HMGCLL1: variants seen among roughly 807,000 people sequenced by gnomAD.
HMGCLL1 encodes 3-hydroxy-3-methylglutaryl-CoA lyase like 1.
Under a neutral mutation model 39.1 loss-of-function variants are expected in HMGCLL1, and 36 were observed. The observed-to-expected ratio is 0.92, with a 90% CI of 0.71 to 1.22. The LOEUF (loss-of-function observed/expected upper bound fraction) is 1.22. Ranked by LOEUF, HMGCLL1 falls within the 50% of genes most tolerant of loss-of-function variation. The pLI is 0.00. For synonymous variants in HMGCLL1, 149 were observed against 144.0 expected (o/e 1.03, Z -0.25); for missense variants, 451 against 416.5 (o/e 1.08, Z -0.72).
At chr6:55,495,277 G>T in intron 7 of HMGCLL1, 142 bp downstream of exon 7, 1 of 594,590 alleles carries the variant, frequency 1.7e-6, no homozygotes, top group Admixed American at 3.8e-5. Context: ...TTTCCCAAGT[G>T]CCTGTCATGT....
chr6:55,451,485 C>T (rs1053314334), intron 7 of HMGCLL1, among the ~76,000 whole-genome samples: 7 of 151,864 alleles, frequency 4.6e-5, no homozygotes, highest in Non-Finnish European at 8.8e-5. Flanking sequence ...TAGCCGGGCA[C>T]GGTGGTGTAT....
chr6:55,627,387 C>A, the HMGCLL1 span, among the ~76,000 whole-genome samples: 2 of 151,862 alleles, frequency 1.3e-5, no homozygotes, highest in Non-Finnish European at 2.9e-5. Flanking sequence ...TCTGGTTGTA[C>A]GGAGGATAGT....
chr6:55,561,415 T>C (rs1362558558), intron 1 of HMGCLL1, among the ~76,000 whole-genome samples: 2 of 152,162 alleles, frequency 1.3e-5, no homozygotes, highest in Non-Finnish European at 1.5e-5. Context: ...CCTTCAGCCA[T>C]GGACTTTTAG....
intron 7 of HMGCLL1, among the ~76,000 whole-genome samples, chr6:55,477,233 TA>T: frequency 5.6e-5 from 1 of 17,958 alleles, no homozygotes; most frequent in South Asian, 1.7e-3. Flanking sequence ...ATATAATATA[TA>T]TTATATTTAT....
chr6:55,667,166 C>T, the HMGCLL1 span, among the ~76,000 whole-genome samples: 3 of 151,710 alleles, frequency 2.0e-5, no homozygotes, highest in African/African-American at 4.8e-5. Context: ...ATTGAGAAGC[C>T]CTTTAATTTA....
the HMGCLL1 span, among the ~76,000 whole-genome samples, chr6:55,602,246 T>C: frequency 6.6e-6 from 1 of 152,136 alleles, no homozygotes; most frequent in African/African-American, 2.4e-5. Context: ...ATAGATCTTG[T>C]AGCTTGAAGA....
At chr6:55,659,429 T>A in the HMGCLL1 span, among the ~76,000 whole-genome samples, 1 of 151,942 alleles carries the variant, frequency 6.6e-6, no homozygotes, top group African/African-American at 2.4e-5. Flanking sequence ...AAGGGCAAAT[T>A]GCCCTGCAGA....
chr6:55,594,317 T>C, the HMGCLL1 span, among the ~76,000 whole-genome samples: 2 of 152,190 alleles, frequency 1.3e-5, no homozygotes, highest in Admixed American at 1.3e-4. Context: ...TGTCCCAGTT[T>C]TCCTGGTTCA....
intron 5 of HMGCLL1, among the ~76,000 whole-genome samples, chr6:55,502,864 C>A (rs939263485): frequency 2.0e-5 from 3 of 151,592 alleles, no homozygotes; most frequent in Admixed American, 6.6e-5. Flanking sequence ...GATGTTATAT[C>A]TTTTTTATTA....
chr6:55,562,489 C>A (rs1039419767), intron 1 of HMGCLL1, among the ~76,000 whole-genome samples: 1 of 152,088 alleles, frequency 6.6e-6, no homozygotes. Flanking sequence ...GTAAAGGCCT[C>A]AACATCTGTT....
At chr6:55,541,250 G>T (rs1769417232) in intron 3 of HMGCLL1, among the ~76,000 whole-genome samples, 1 of 152,090 alleles carries the variant, frequency 6.6e-6, no homozygotes, top group African/African-American at 2.4e-5. Flanking sequence ...TATCTTCAAT[G>T]ATATATTTGA....
At chr6:55,578,494 C>A (rs763458042) in intron 1 of HMGCLL1, among the ~76,000 whole-genome samples, 1 of 152,180 alleles carries the variant, frequency 6.6e-6, no homozygotes, top group Non-Finnish European at 1.5e-5. Context: ...TGGATTATTT[C>A]ATCCTACTAT....
chr6:55,642,410 A>G, the HMGCLL1 span, among the ~76,000 whole-genome samples: 1 of 152,044 alleles, frequency 6.6e-6, no homozygotes, highest in Non-Finnish European at 1.5e-5. Context: ...ACTGATTAAC[A>G]ATAATATAAA....
chr6:55,659,306 A>G, the HMGCLL1 span, among the ~76,000 whole-genome samples: 1 of 151,938 alleles, frequency 6.6e-6, no homozygotes. Context: ...TCAGTAGAAT[A>G]TATAACACGG....
At chr6:55,651,742 C>A in the HMGCLL1 span, among the ~76,000 whole-genome samples, 2 of 152,072 alleles carry the variant, frequency 1.3e-5, no homozygotes, top group Non-Finnish European at 2.9e-5. Context: ...GGCGGCAAGG[C>A]TTGCCAAGAA....
rs147587631 is a variant in HMGCLL1, at chr6:55,565,016, T to C, written c.108+13932A>G. Among the ~76,000 whole-genome samples, 10 of 152,190 alleles carry C rather than the reference T, an allele frequency of 6.6e-5. No homozygotes were observed. In the East Asian group the frequency reaches 1.9e-3, roughly 29 times the overall value. Reference sequence around the variant, plus strand: ...AGGATTTGTAGCAAACTACAATTTGTTTCCTTAAAGTGATAGCTTAATCTA... The same window carrying C: ...AGGATTTGTAGCAAACTACAATTTGCTTCCTTAAAGTGATAGCTTAATCTA... On this transcript the variant is annotated intron_variant, in intron 1 of 8. Coordinates refer to ENST00000274901, the MANE Select transcript of HMGCLL1 (RefSeq NM_001042406.2).
In HMGCLL1 at chr6:55,520,848, T is replaced by C. The variant is rs139607048; in HGVS notation, c.298-4245A>G. 6.2e-3 allele frequency among the ~76,000 whole-genome samples: 929 copies of C among 149,718 alleles called. 9 individuals carry two copies. The highest frequency in any genetic ancestry group is 0.022 in the African/African-American group (893 of 40,914). On this transcript the variant is annotated intron_variant, in intron 3 of 8. Transcript: ENST00000274901. ...GTTTTGCCATCACCAGCACACAGTCTGGAAATGGCAATATCTGTATATCTC... is the reference window on the plus strand; with the variant it reads ...GTTTTGCCATCACCAGCACACAGTCCGGAAATGGCAATATCTGTATATCTC...
At chr6:55,644,408 C>T in the HMGCLL1 span, among the ~76,000 whole-genome samples, 1 of 151,908 alleles carries the variant, frequency 6.6e-6, no homozygotes, top group Admixed American at 6.6e-5. Context: ...TTAATATGGT[C>T]CTGTTTGTCC....
At chr6:55,666,481 GA>G in the HMGCLL1 span, among the ~76,000 whole-genome samples, 13 of 150,542 alleles carry the variant, frequency 8.6e-5, no homozygotes, top group East Asian at 2.0e-4. Flanking sequence ...CCATGTCAAA[GA>G]AAAAAAAATT....
Sources: allele counts gnomAD v4.1 joint callset (sites outside exome capture counted in the v4.1 genomes callset), GRCh38; gene constraint gnomAD v4.1.1; transcripts MANE v1.5; gene names NCBI Gene and HGNC (gene_info 2026-07-23, HGNC 2026-07-21).